The following SHOC2 variants were observed in gnomAD, a reference collection of about 807,000 sequenced individuals.
SHOC2 encodes the protein SHOC2 leucine rich repeat scaffold protein, also known as leucine-rich repeat protein SHOC-2.
In SHOC2, 4 loss-of-function variants were observed where a neutral mutation model predicts 50.2. That is an observed-to-expected ratio of 0.08 (90% CI 0.04 to 0.18). The LOEUF (loss-of-function observed/expected upper bound fraction) is 0.18, where lower values mean the gene tolerates loss of function less well. SHOC2 is among the 10% of genes least tolerant of loss of function. SHOC2 has a pLI of 1.00. For missense variants in SHOC2, 388 were observed against 669.6 expected (o/e 0.58, Z 4.64); for synonymous variants, 218 against 244.5 (o/e 0.89, Z 1.01).
intron 2 of SHOC2, among the ~76,000 whole-genome samples, chr10:110,974,168 T>G (rs1177674995): frequency 2.0e-5 from 3 of 152,072 alleles, no homozygotes; most frequent in African/African-American, 4.8e-5. Flanking sequence ...TCAAAGTACT[T>G]TTTTAGCAGC....
chr10:110,981,686 T>C (rs1847978466), intron 2 of SHOC2, among the ~76,000 whole-genome samples: 1 of 152,178 alleles, frequency 6.6e-6, no homozygotes, highest in Admixed American at 6.5e-5. Context: ...GTTTTCCTTG[T>C]ATGAATCATC....
rs79465867 is a variant in SHOC2 at position 110,958,728 on chromosome 10, C to CTT, written c.-234-5387_-234-5386dup. ...ATTTGTTCAAAATTTTACTAATTTT[C>CTT]TTTTTTTTTTTGTTCCCTGTCTTGA... On this transcript the variant is annotated intron_variant, in intron 1 of 8. Coordinates refer to ENST00000369452, the MANE Select transcript of SHOC2 (RefSeq NM_007373.4). Among the ~76,000 whole-genome samples, 14 of 146,254 alleles carry CTT rather than the reference C, an allele frequency of 9.6e-5. 1 individual carries two copies. The highest frequency in any genetic ancestry group is 3.2e-4 in the African/African-American group (13 of 40,042).
At chr10:111,010,030 T>A (rs1294122662) in intron 8 of SHOC2, among the ~76,000 whole-genome samples, 200 bp downstream of exon 8, 1 of 152,182 alleles carries the variant, frequency 6.6e-6, no homozygotes, top group Non-Finnish European at 1.5e-5. Flanking sequence ...TAGGATTGGT[T>A]TTAAAATTAG....
chr10:111,007,306 A>G (rs1305090058), intron 5 of SHOC2, among the ~76,000 whole-genome samples: 2 of 152,220 alleles, frequency 1.3e-5, no homozygotes, highest in African/African-American at 4.8e-5. Flanking sequence ...TAATCACATA[A>G]GGAACAAACT....
intron 4 of SHOC2, among the ~76,000 whole-genome samples, chr10:111,002,985 A>G (rs1379670118): frequency 6.6e-6 from 1 of 152,202 alleles, no homozygotes; most frequent in African/African-American, 2.4e-5. Flanking sequence ...CTTTATTTTC[A>G]ATCGTGTAGC....
intron 1 of SHOC2, among the ~76,000 whole-genome samples, chr10:110,955,067 A>G (rs893043116): frequency 6.6e-6 from 1 of 152,196 alleles, no homozygotes; most frequent in Non-Finnish European, 1.5e-5. Context: ...AGTCCTCTGT[A>G]ACATTTTGTG....
intron 5 of SHOC2, among the ~76,000 whole-genome samples, chr10:111,005,456 A>C (rs142359486): frequency 8.5e-5 from 13 of 152,326 alleles, no homozygotes; most frequent in African/African-American, 3.1e-4. Flanking sequence ...AAAGAACACT[A>C]CGTACTAGTT....
At chr10:110,933,192 A>G (rs969733505) in intron 1 of SHOC2, among the ~76,000 whole-genome samples, 2 of 152,134 alleles carry the variant, frequency 1.3e-5, no homozygotes, top group African/African-American at 4.8e-5. Flanking sequence ...AGTGTTACAT[A>G]TATTTTGTTT....
Position 110,964,528 on chromosome 10 carries a change from C to T in SHOC2, c.170C>T (p.Ser57Phe), listed in dbSNP as rs536611911. ...GATGCCAAAGATGGAAAGAAGGACT[C>T]CAGTGCTGCCCAACCAGGGGTGGCA... is the stretch of plus-strand genomic sequence containing the variant. ...GKDAKDGKKD[S>F]SAAQPGVAFS... The change falls in exon 2 of 9, where the codon TCC becomes TTC. Residue 57 changes from serine to phenylalanine, a missense_variant. Physicochemically the swap from Ser to Phe is radical, Grantham distance 155. Around this residue, in one of 5 missense-constraint regions of SHOC2, gnomAD observed 121 missense variants for 145.5 expected, o/e 0.83. Coordinates refer to ENST00000369452, the MANE Select transcript of SHOC2 (RefSeq NM_007373.4). The surrounding 1 kb of genome is among the most constrained non-coding windows in gnomAD (Gnocchi z 4.9). 87 of 1,614,030 alleles carry T rather than the reference C, an allele frequency of 5.4e-5. 1 individual carries two copies. The highest frequency in any genetic ancestry group is 1.6e-4 in the Middle Eastern group (1 of 6,062).
chr10:111,007,254 C>T (rs370107800), intron 5 of SHOC2, among the ~76,000 whole-genome samples: 192 of 152,226 alleles, frequency 1.3e-3, no homozygotes, highest in African/African-American at 4.3e-3. Context: ...TCTTTGAAAT[C>T]TCCAGTGTTT....
chr10:111,009,138 A>G (rs2134179884), intron 6 of SHOC2, 110 bp from the exon 7 acceptor site: 2 of 699,034 alleles, frequency 2.9e-6, no homozygotes, highest in East Asian at 5.3e-5. Flanking sequence ...ATCACCCTTA[A>G]TATTCACTGT....
chr10:110,939,303 C>A (rs1423210515), intron 1 of SHOC2, among the ~76,000 whole-genome samples: 1 of 152,088 alleles, frequency 6.6e-6, no homozygotes, highest in Non-Finnish European at 1.5e-5. Context: ...ACTGTAGCTC[C>A]TATCTCTTGG....
chr10:110,987,488 T>C (rs1333850055), intron 3 of SHOC2, among the ~76,000 whole-genome samples: 1 of 152,202 alleles, frequency 6.6e-6, no homozygotes, highest in East Asian at 1.9e-4. Flanking sequence ...GGAAAGAGAT[T>C]ACATATTCTA....
chr10:110,952,051 TACAG>T (rs1367283155), intron 1 of SHOC2, among the ~76,000 whole-genome samples: 1 of 152,196 alleles, frequency 6.6e-6, no homozygotes. Context: ...TGTAGATTGT[TACAG>T]ACAATGAAAC....
intron 1 of SHOC2, among the ~76,000 whole-genome samples, chr10:110,947,680 A>G (rs768672845): frequency 7.2e-5 from 11 of 152,148 alleles, no homozygotes; most frequent in Non-Finnish European, 1.5e-4. Flanking sequence ...ACAACAGACT[A>G]TTATAACTAC....
chr10:110,961,656 A>G (rs1847574467), intron 1 of SHOC2, among the ~76,000 whole-genome samples: 1 of 152,178 alleles, frequency 6.6e-6, no homozygotes, highest in South Asian at 2.1e-4. Context: ...TTTGGGGGTC[A>G]CTAGTTCAAA....
rs372885629 is a variant in SHOC2 at position 111,004,656 on chromosome 10, T to C, written c.1023T>C (p.Asn341=). ...TGAATAGTTTGACCTTAGCTAGAAA[T>C]TGCTTCCAGTTGTATCCAGTGGGTG... ...VKLNSLTLAR[N]CFQLYPVGGP... is the part of the protein sequence containing the mutation. The change falls in exon 5 of 9, where the codon AAT becomes AAC. Residue 341 remains asparagine, a synonymous_variant. Transcript: ENST00000369452. 7 of 1,613,398 alleles carry C rather than the reference T, an allele frequency of 4.3e-6. No individual in the cohort carries two copies. The highest frequency in any genetic ancestry group is 5.9e-6 in the Non-Finnish European group (7 of 1,179,430).
At chr10:110,998,758 T>C (rs1169549855) in intron 3 of SHOC2, among the ~76,000 whole-genome samples, 1 of 152,242 alleles carries the variant, frequency 6.6e-6, no homozygotes, top group Non-Finnish European at 1.5e-5. Context: ...TTATTATCAA[T>C]GACTGATTCT....
At chr10:110,982,102 G>T (rs1174991489) in intron 2 of SHOC2, among the ~76,000 whole-genome samples, 1 of 145,726 alleles carries the variant, frequency 6.9e-6, no homozygotes, top group Non-Finnish European at 1.5e-5. Flanking sequence ...GAGAATATGC[G>T]GTGTTTGGTT....
Sources: gnomAD v4.1 joint callset for allele counts (sites outside exome capture counted in the v4.1 genomes callset) on GRCh38, gnomAD v4.1.1 for gene constraint, gnomAD v4.1.1 regional missense constraint, Gnocchi (gnomAD v3.1) non-coding constraint, MANE v1.5 for transcripts, NCBI Gene and HGNC (gene_info 2026-07-23, HGNC 2026-07-21) for gene names.